NT5DC1: variants seen among roughly 807,000 people sequenced by gnomAD.
NT5DC1 encodes 5'-nucleotidase domain-containing protein 1.
In NT5DC1, 42 loss-of-function variants were observed where a neutral mutation model predicts 59.4. That is an observed-to-expected ratio of 0.71 (90% CI 0.55 to 0.92). The LOEUF (loss-of-function observed/expected upper bound fraction) is 0.92. Among genes scored for constraint, NT5DC1 ranks in the 40% least tolerant of loss-of-function variants. The probability of loss-of-function intolerance (pLI) is 0.00; values close to 1 mark genes in which losing one functional copy is unlikely to be tolerated. For synonymous variants in NT5DC1, 172 were observed against 188.1 expected (o/e 0.91, Z 0.70); for missense variants, 501 against 537.1 (o/e 0.93, Z 0.66).
At chr6:116,231,530 G>T (rs193298027) in intron 8 of NT5DC1, among the ~76,000 whole-genome samples, 1 of 152,198 alleles carries the variant, frequency 6.6e-6, no homozygotes, top group South Asian at 2.1e-4. Flanking sequence ...TTAGGGCAGA[G>T]ACTTGAGCCA....
At chr6:116,106,143 A>C in intron 1 of NT5DC1, 101 bp from the exon 2 acceptor site, 1 of 753,750 alleles carries the variant, frequency 1.3e-6, no homozygotes, top group Non-Finnish European at 2.4e-6. Flanking sequence ...CCTTCCTCCT[A>C]CCTGCCCCCA....
intron 6 of NT5DC1, among the ~76,000 whole-genome samples, chr6:116,144,718 A>G (rs976867394): frequency 3.3e-5 from 5 of 152,208 alleles, no homozygotes; most frequent in African/African-American, 1.2e-4. Flanking sequence ...CACACCAGTA[A>G]CATGTTCCCT....
chr6:116,159,940 C>CAA (rs1239698050), intron 6 of NT5DC1, among the ~76,000 whole-genome samples: 3 of 152,214 alleles, frequency 2.0e-5, no homozygotes, highest in African/African-American at 7.2e-5. Context: ...GCAAAGGACA[C>CAA]AATTTCATTA....
chr6:116,223,570 A>T (rs1396983483), intron 8 of NT5DC1, among the ~76,000 whole-genome samples: 1 of 152,216 alleles, frequency 6.6e-6, no homozygotes, highest in Non-Finnish European at 1.5e-5. Context: ...ATAGGGAGAG[A>T]GGTGGAATGA....
chr6:116,163,059 G>C (rs1014876784), intron 6 of NT5DC1, among the ~76,000 whole-genome samples: 2 of 147,046 alleles, frequency 1.4e-5, no homozygotes, highest in South Asian at 2.2e-4. Context: ...CCCGGGAGGT[G>C]GAGCTTGCAG....
intron 8 of NT5DC1, among the ~76,000 whole-genome samples, chr6:116,228,965 T>G (rs1360317883): frequency 6.6e-6 from 1 of 152,202 alleles, no homozygotes; most frequent in African/African-American, 2.4e-5. Context: ...TTTCCTTGTC[T>G]CTGGGCTTCA....
intron 6 of NT5DC1, among the ~76,000 whole-genome samples, chr6:116,126,729 CT>C (rs1779324373): frequency 6.6e-6 from 1 of 152,036 alleles, no homozygotes. Context: ...TTTGGGTTTA[CT>C]TTAGAGTTGC....
At chr6:116,110,799 G>C (rs1357481489) in intron 3 of NT5DC1, 51 bp from the exon 4 acceptor site, 4 of 1,208,888 alleles carry the variant, frequency 3.3e-6, no homozygotes, top group Non-Finnish European at 3.7e-6. Flanking sequence ...ATAGAGGAAG[G>C]GGCATTCAAG....
chr6:116,101,078 C>A, intron 1 of NT5DC1, 55 bp downstream of exon 1: 2 of 1,313,042 alleles, frequency 1.5e-6, no homozygotes, highest in Non-Finnish European at 2.1e-6. Context: ...GCGGCTGGGG[C>A]TTGAGTTTCC....
intron 6 of NT5DC1, among the ~76,000 whole-genome samples, chr6:116,186,748 G>A (rs1306688257): frequency 6.6e-6 from 1 of 151,840 alleles, no homozygotes; most frequent in Non-Finnish European, 1.5e-5. Context: ...TTTTATTTAT[G>A]CCATGTATTT....
chr6:116,242,216 A>C (rs1269052835), intron 11 of NT5DC1, among the ~76,000 whole-genome samples: 1 of 151,354 alleles, frequency 6.6e-6, no homozygotes, highest in Non-Finnish European at 1.5e-5. Context: ...TAAAAAATAC[A>C]AAAAATTAGC....
rs186458584 is a variant in NT5DC1, at chr6:116,219,341, C to T, written c.530-1713C>T. 2.2e-4 allele frequency among the ~76,000 whole-genome samples: 33 copies of T among 152,256 alleles called. No homozygotes were observed. In the East Asian group the frequency reaches 5.8e-3, roughly 27 times the overall value. On this transcript the variant is annotated intron_variant, in intron 6 of 11. Transcript: ENST00000319550. The stretch of plus-strand genomic sequence containing the variant: ...CCAGTAGTAGAAGAGGGGATATTCC[C>T]CCCTTTATAGGTTTATTTTTATCAG...
At chr6:116,105,149 G>A (rs1189692866) in intron 1 of NT5DC1, among the ~76,000 whole-genome samples, 1 of 152,164 alleles carries the variant, frequency 6.6e-6, no homozygotes, top group Admixed American at 6.5e-5. Flanking sequence ...TTCACAAGGA[G>A]CCTTTGCTTT....
intron 6 of NT5DC1, chr6:116,120,712 A>T (rs756012013): frequency 6.4e-7 from 1 of 1,562,624 alleles, no homozygotes; most frequent in Non-Finnish European, 8.6e-7. Context: ...GACTTCCTGG[A>T]TCCCCTTTAG....
intron 6 of NT5DC1, among the ~76,000 whole-genome samples, chr6:116,124,893 A>G (rs1760386433): frequency 6.6e-6 from 1 of 152,112 alleles, no homozygotes; most frequent in African/African-American, 2.4e-5. Context: ...ACTCGGTTTT[A>G]TATCTGTTTG....
chr6:116,118,573 G>A (rs1038622241), intron 6 of NT5DC1, among the ~76,000 whole-genome samples: 3 of 115,622 alleles, frequency 2.6e-5, no homozygotes, highest in African/African-American at 4.9e-5. Context: ...ATGTTGCCTT[G>A]TGATTGACAA....
chr6:116,195,461 C>T (rs1456910222), intron 6 of NT5DC1, among the ~76,000 whole-genome samples: 1 of 151,664 alleles, frequency 6.6e-6, no homozygotes, highest in Admixed American at 6.6e-5. Flanking sequence ...TGGTCATGGC[C>T]AAATTGTGAC....
intron 6 of NT5DC1, among the ~76,000 whole-genome samples, chr6:116,188,672 A>G (rs1781054752): frequency 6.6e-6 from 1 of 151,590 alleles, no homozygotes; most frequent in Non-Finnish European, 1.5e-5. Context: ...CAAGGGTGGT[A>G]TCAGAGGACT....
chr6:116,121,857 T>C, intron 6 of NT5DC1: 3 of 1,613,882 alleles, frequency 1.9e-6, no homozygotes, highest in Non-Finnish European at 2.5e-6. Context: ...AGTCCAGGAC[T>C]TCCGTAGCCT....
Sources: gnomAD v4.1 joint callset for allele counts (sites outside exome capture counted in the v4.1 genomes callset) on GRCh38, gnomAD v4.1.1 for gene constraint, MANE v1.5 for transcripts, NCBI Gene and HGNC (gene_info 2026-07-23, HGNC 2026-07-21) for gene names.